Variants in DMD observed in about 807,000 individuals in gnomAD.
The protein encoded by DMD is dystrophin.
A neutral mutation model predicts 330.1 loss-of-function variants in DMD; 63 were observed. The observed-to-expected ratio is 0.19, with a 90% confidence interval of 0.16 to 0.24. The LOEUF is 0.24. Ranked by LOEUF, DMD falls within the 10% of genes least tolerant of loss-of-function variation. The pLI is 1.00. For missense variants in DMD, 3,344 were observed against 2,684.1 expected (o/e 1.25, Z -5.43); for synonymous variants, 1,223 against 959.8 (o/e 1.27, Z -5.07).
intron 1 of DMD, among the ~76,000 whole-genome samples, chrX:33,096,421 T>C (rs193019549): frequency 1.2e-4 from 14 of 112,057 alleles, no homozygotes; most frequent in East Asian, 2.8e-4. Flanking sequence ...TTCTGTAAGA[T>C]ATATTTTTAA....
At chrX:32,018,780 C>A (rs1278142067) in intron 44 of DMD, among the ~76,000 whole-genome samples, 1 of 111,454 alleles carries the variant, frequency 9.0e-6, no homozygotes, top group Non-Finnish European at 1.9e-5. Flanking sequence ...CTGTATTGAA[C>A]TTCTCAACCG....
At chrX:33,002,410 C>T (rs2093301440) in intron 2 of DMD, among the ~76,000 whole-genome samples, 1 of 110,797 alleles carries the variant, frequency 9.0e-6, no homozygotes, top group African/African-American at 3.3e-5. Flanking sequence ...GTCCAAATAC[C>T]CTCTACAGGT....
Position 32,734,154 on chromosome X carries a change from G to C in DMD, c.650-34861C>G, listed in dbSNP as rs1458234049. Among the ~76,000 whole-genome samples the C allele has an allele frequency of 4.9e-4, 53 of 108,992 alleles. No homozygotes were observed. The East Asian group carries it at 0.015, about 30-fold the overall frequency. 94.6% of individuals were successfully genotyped at this position (108,992 alleles called of 115,157 possible). A position where few individuals can be genotyped will look rare whatever the true frequency, so the allele number is the denominator to read the frequency against. ...CAAACACCTCTACGCAAATAAACTA[G>C]AAAATCTAGAAGAAATGGATAAATT... On this transcript the variant is annotated intron_variant, in intron 7 of 78. Transcript: ENST00000357033.
chrX:32,797,809 T>C (rs776208169), intron 7 of DMD, among the ~76,000 whole-genome samples: 1 of 105,522 alleles, frequency 9.5e-6, no homozygotes, highest in South Asian at 4.1e-4. Context: ...CACCTGTAAT[T>C]AAAAAAAAAA....
chrX:32,681,735 G>C (rs2062439090), intron 9 of DMD, among the ~76,000 whole-genome samples: 1 of 111,680 alleles, frequency 9.0e-6, no homozygotes, highest in Non-Finnish European at 1.9e-5. Flanking sequence ...TTTCCTCTTG[G>C]AGTTTTTACT....
At chrX:32,451,480 TTGC>T (rs1349753264) in intron 26 of DMD, among the ~76,000 whole-genome samples, 1 of 110,994 alleles carries the variant, frequency 9.0e-6, no homozygotes, top group Admixed American at 9.5e-5. Context: ...CATATAGTGA[TTGC>T]TGATCTCCAT....
intron 12 of DMD, among the ~76,000 whole-genome samples, chrX:32,602,365 A>C (rs1602059805): frequency 8.9e-6 from 1 of 111,815 alleles, no homozygotes; most frequent in South Asian, 3.7e-4. Flanking sequence ...CAGATTAAAA[A>C]CCAATAACAT....
At chrX:31,896,145 T>TAAA (rs1419633213) in intron 47 of DMD, among the ~76,000 whole-genome samples, 1 of 66,396 alleles carries the variant, frequency 1.5e-5, no homozygotes, top group Non-Finnish European at 3.0e-5. Context: ...TGAATGATCT[T>TAAA]TTAAATTTTA....
intron 17 of DMD, among the ~76,000 whole-genome samples, chrX:32,522,255 ATTAAATGTG>A (rs1487823162): frequency 8.9e-6 from 1 of 111,980 alleles, no homozygotes; most frequent in African/African-American, 3.2e-5. Context: ...CTGTGTTGCC[ATTAAATGTG>A]ACCAAAAATA....
At chrX:31,669,352 C>T (rs769550788) in intron 53 of DMD, among the ~76,000 whole-genome samples, 152 of 112,109 alleles carry the variant, frequency 1.4e-3, no homozygotes, top group African/African-American at 4.9e-3. Context: ...ATGCATTTCC[C>T]CAATGATTAG....
chrX:31,671,704 T>C (rs1034602058), intron 53 of DMD, among the ~76,000 whole-genome samples: 8 of 112,191 alleles, frequency 7.1e-5, no homozygotes, highest in African/African-American at 2.6e-4. Context: ...TAGTTGTTCA[T>C]AATATCCTCT....
At chrX:32,745,147 G>A (rs2069817109) in intron 7 of DMD, among the ~76,000 whole-genome samples, 1 of 111,671 alleles carries the variant, frequency 9.0e-6, no homozygotes, top group African/African-American at 3.3e-5. Flanking sequence ...AAAAGTAATT[G>A]GCAAGAAAAA....
At chrX:31,966,777 G>C (rs1053779326) in intron 45 of DMD, among the ~76,000 whole-genome samples, 31 of 110,709 alleles carry the variant, frequency 2.8e-4, no homozygotes, top group African/African-American at 9.5e-4. Flanking sequence ...TGTGCCTTTA[G>C]AGCCCAATAA....
At chrX:32,336,556 T>G (rs770669302) in intron 41 of DMD, among the ~76,000 whole-genome samples, 5 of 111,888 alleles carry the variant, frequency 4.5e-5, no homozygotes, top group Non-Finnish European at 7.5e-5. Flanking sequence ...CTTTCCTTAG[T>G]ATGCCTACTT....
At position 31,719,813 on chromosome X, in the gene DMD, G is replaced by A. The variant is rs1022644790; in HGVS notation, c.7660+9818C>T. On this transcript the variant is annotated intron_variant, in intron 52 of 78. Coordinates refer to ENST00000357033, the MANE Select transcript of DMD (RefSeq NM_004006.3). Reference sequence around the variant, plus strand: ...CTCAAGTAGTCCCATGGAGGAACTCGTTTAGAGGGAAACCAACTAGACAGC... The same window carrying A: ...CTCAAGTAGTCCCATGGAGGAACTCATTTAGAGGGAAACCAACTAGACAGC... Among the ~76,000 whole-genome samples the A allele has an allele frequency of 7.2e-5, 8 of 111,331 alleles. 1 individual carries two copies. The Admixed American group carries it at 7.7e-4, about 11-fold the overall frequency.
chrX:32,550,422 G>A (rs1048617903), intron 16 of DMD, among the ~76,000 whole-genome samples: 4 of 111,139 alleles, frequency 3.6e-5, no homozygotes, highest in Non-Finnish European at 7.5e-5. Context: ...CAGAAATCAA[G>A]AAATTATTTG....
intron 19 of DMD, among the ~76,000 whole-genome samples, chrX:32,495,972 C>A (rs1272962437): frequency 8.9e-6 from 1 of 111,828 alleles, no homozygotes; most frequent in East Asian, 2.8e-4. Context: ...CCATTCACAT[C>A]TCATATTCTA....
At chrX:32,400,596 G>C (rs2098079729) in intron 30 of DMD, among the ~76,000 whole-genome samples, 1 of 110,412 alleles carries the variant, frequency 9.1e-6, no homozygotes, top group East Asian at 2.9e-4. Flanking sequence ...ATCATCACTG[G>C]CCATCAGAGA....
intron 55 of DMD, among the ~76,000 whole-genome samples, chrX:31,562,261 T>C: frequency 8.9e-6 from 1 of 111,899 alleles, no homozygotes; most frequent in Non-Finnish European, 1.9e-5. Flanking sequence ...TCATAGACAA[T>C]GCCAAAATAC....
Sources: allele counts gnomAD v4.1 joint callset (sites outside exome capture counted in the v4.1 genomes callset), GRCh38; gene constraint gnomAD v4.1.1; transcripts MANE v1.5; gene names NCBI Gene and HGNC (gene_info 2026-07-23, HGNC 2026-07-21).